The following C11orf65 variants were observed in gnomAD, a reference collection of about 807,000 sequenced individuals.
C11orf65 encodes the protein protein MFI.
A neutral mutation model predicts 35.3 loss-of-function variants in C11orf65; 38 were observed. That is an observed-to-expected ratio of 1.08 (90% confidence interval 0.83 to 1.41). C11orf65 has a LOEUF of 1.41. Ranked by LOEUF, C11orf65 falls within the 40% of genes most tolerant of loss-of-function variation. C11orf65 has a pLI of 0.00. For synonymous variants in C11orf65, 105 were observed against 114.4 expected, an observed-to-expected ratio of 0.92 and a Z score of 0.53; for missense variants, 370 against 367.1, an observed-to-expected ratio of 1.01 and a Z score of -0.06.
At chr11:108,437,110 A>AAAAG (rs35610227) in intron 2 of C11orf65, among the ~76,000 whole-genome samples, 28 of 101,914 alleles carry the variant, frequency 2.7e-4, no homozygotes, top group East Asian at 7.0e-4. Flanking sequence ...AAAAAAAAAA[A>AAAAG]GGGGGGGGGT....
At chr11:108,355,912 T>A (rs1349935378) in intron 2 of C11orf65, 3 of 152,208 alleles carry the variant, frequency 2.0e-5, no homozygotes, top group Non-Finnish European at 4.4e-5. Flanking sequence ...CGAGGCATCT[T>A]TATAGATCTC....
At chr11:108,362,940 AAAAGTATAAT>A (rs2137762594) in intron 2 of C11orf65, among the ~76,000 whole-genome samples, 1 of 152,246 alleles carries the variant, frequency 6.6e-6, no homozygotes, top group Admixed American at 6.5e-5. Flanking sequence ...CCTAAAACAT[AAAAGTATAAT>A]TTAAAAAAAA....
chr11:108,332,798 A>G lies in C11orf65; in HGVS notation c.300-1231T>C, dbSNP rs779400418. The stretch of plus-strand genomic sequence containing the variant: ...GGCTGCAAATAGAATAATATGTACT[A>G]TCAGAAGTAGGAGACCTCAGATGGT... On this transcript the variant is annotated intron_variant, in intron 3 of 3. Coordinates refer to the C11orf65 transcript ENST00000524755. The G allele has an allele frequency of 2.5e-6, 4 of 1,613,454 alleles. No individual in the cohort carries two copies. The highest frequency in any genetic ancestry group is 1.7e-4 in the Middle Eastern group (1 of 6,042).
intron 1 of C11orf65, among the ~76,000 whole-genome samples, chr11:108,466,643 T>C (rs2093542346): frequency 6.6e-6 from 1 of 152,220 alleles, no homozygotes; most frequent in Admixed American, 6.5e-5. Flanking sequence ...CAATGAAGTA[T>C]TTTACTACAC....
intron 6 of C11orf65, chr11:108,312,521 T>G: frequency 1.4e-6 from 2 of 1,479,494 alleles, no homozygotes; most frequent in Non-Finnish European, 1.9e-6. Context: ...GGCTCTATTA[T>G]TTATGACAGT....
Position 108,383,169 on chromosome 11 carries a change from C to G in C11orf65, c.794G>C (p.Arg265Thr). ...TATGTTTTTCTGTGCTTGATTAAAC[C>G]TGAATCCTAAAGAGAAGTGACAAAT... ...SNSSANFKGF[R>T]FNQAQKNIYN... The change falls in exon 9 of 9, where the codon AGG becomes ACG. Residue 265 changes from arginine to threonine, a missense_variant. Arg to Thr is a moderately conservative substitution (Grantham distance 71). Transcript: ENST00000393084. 6.3e-7 allele frequency: 1 copy of G among 1,585,878 alleles called. No homozygotes were observed. Among genetic ancestry groups the G allele is most frequent in the Non-Finnish European group, 8.5e-7 (1 of 1,170,556 alleles).
chr11:108,376,657 C>CA (rs1184437557), intron 2 of C11orf65, among the ~76,000 whole-genome samples: 1 of 151,792 alleles, frequency 6.6e-6, no homozygotes, highest in Non-Finnish European at 1.5e-5. Context: ...AATAGAGACA[C>CA]AAAAAACCGT....
At chr11:108,423,171 C>G (rs2092845068) in intron 3 of C11orf65, among the ~76,000 whole-genome samples, 1 of 152,148 alleles carries the variant, frequency 6.6e-6, no homozygotes, top group Non-Finnish European at 1.5e-5. Flanking sequence ...TTTGGGCAGA[C>G]ACCAAGCTAG....
intron 2 of C11orf65, among the ~76,000 whole-genome samples, chr11:108,444,733 C>T (rs1413351419): frequency 3.3e-5 from 5 of 152,120 alleles, no homozygotes; most frequent in Non-Finnish European, 7.3e-5. Context: ...GTTCATCTCA[C>T]TACGGAGTGC....
At chr11:108,313,290 C>A (rs183920006) in intron 6 of C11orf65, among the ~76,000 whole-genome samples, 3 of 152,288 alleles carry the variant, frequency 2.0e-5, no homozygotes, top group Admixed American at 2.0e-4. Flanking sequence ...TAAAAATTCC[C>A]TTTCTCACAA....
chr11:108,426,198 A>C (rs1187993355), intron 3 of C11orf65, among the ~76,000 whole-genome samples: 3 of 152,186 alleles, frequency 2.0e-5, no homozygotes, highest in African/African-American at 7.2e-5. Context: ...GAAAGAGAGG[A>C]AGTCAAATTG....
chr11:108,414,395 G>A (rs997438074), intron 3 of C11orf65, among the ~76,000 whole-genome samples: 3 of 151,848 alleles, frequency 2.0e-5, no homozygotes, highest in Non-Finnish European at 4.4e-5. Context: ...TGATTGCATG[G>A]ACACTAAAAA....
Position 108,383,034 on chromosome 11 carries a change from G to A in C11orf65, c.929C>T (p.Thr310Ile). The change falls in exon 9 of 9, where the codon ACT becomes ATT. Residue 310 changes from threonine to isoleucine, a missense_variant. Coordinates refer to ENST00000393084, the MANE Select transcript of C11orf65 (RefSeq NM_152587.5). The part of the protein sequence containing the change: ...PNVTRLTPDS[T>I]YGL ...AAATAAAGTACTTTATAGTCCATAA[G>A]TAGAATCAGGCGTTAATCTAGTTAC... The A allele has an allele frequency of 3.7e-6, 6 of 1,610,886 alleles. No individual in the cohort carries two copies. Among genetic ancestry groups the A allele is most frequent in the Non-Finnish European group, 2.5e-6 (3 of 1,179,248 alleles).
At chr11:108,441,943 A>G (rs773024000) in intron 2 of C11orf65, among the ~76,000 whole-genome samples, 78 of 152,364 alleles carry the variant, frequency 5.1e-4, no homozygotes, top group Non-Finnish European at 1.0e-3. Context: ...GCTCCTTGCC[A>G]GCAACAGAAC....
rs368620235 is a variant in C11orf65 at position 108,444,825 on chromosome 11, G to A, written c.82-12987C>T. On this transcript the variant is annotated intron_variant, in intron 2 of 8. Coordinates refer to ENST00000393084, the MANE Select transcript of C11orf65 (RefSeq NM_152587.5). ...CAAGGCATTGCCTCACTCCGGCAGC[G>A]CAAGGGGTCAGGGAGTTCCCTTTCC... Among the ~76,000 whole-genome samples the A allele has an allele frequency of 3.2e-3, 483 of 152,298 alleles. 1 individual carries two copies. Among genetic ancestry groups the A allele is most frequent in the African/African-American group, 0.011 (458 of 41,560 alleles).
At chr11:108,412,311 A>G (rs79573275) in intron 3 of C11orf65, among the ~76,000 whole-genome samples, 2 of 148,784 alleles carry the variant, frequency 1.3e-5, no homozygotes, top group African/African-American at 2.5e-5. Context: ...GAATACAGAG[A>G]AAAAAAAAAC....
At chr11:108,432,404 C>T (rs1449914187) in intron 2 of C11orf65, among the ~76,000 whole-genome samples, 140 of 152,254 alleles carry the variant, frequency 9.2e-4, no homozygotes, top group Admixed American at 9.0e-3. Context: ...TTGCAGAATC[C>T]TCCTTATTCC....
At position 108,350,564 on chromosome 11, in the gene C11orf65, G is replaced by A. The variant is rs1046374533; in HGVS notation, c.227-15272C>T. On this transcript the variant is annotated intron_variant, in intron 2 of 3. Coordinates refer to the C11orf65 transcript ENST00000524755. ...ACAGAGACAGTCACGGATATTATAT[G>A]GTTTTCCCCAGAATGAATTCTAGAG... 8.5e-5 allele frequency among the ~76,000 whole-genome samples: 13 copies of A among 152,284 alleles called. 1 individual carries two copies. In the East Asian group the frequency reaches 2.5e-3, roughly 29 times the overall value.
At chr11:108,468,256 T>C (rs996947242), upstream of C11orf65, among the ~76,000 whole-genome samples, 1 of 152,226 alleles carries the variant, frequency 6.6e-6, no homozygotes, top group African/African-American at 2.4e-5. Context: ...CCAATGTTAT[T>C]TCTAAATGTA....
Sources: allele counts gnomAD v4.1 joint callset (sites outside exome capture counted in the v4.1 genomes callset), GRCh38; gene constraint gnomAD v4.1.1; transcripts MANE v1.5; gene names NCBI Gene and HGNC (gene_info 2026-07-23, HGNC 2026-07-21).